The following NDUFAF6 variants were observed in gnomAD, a reference collection of about 807,000 sequenced individuals.
The protein encoded by NDUFAF6 is NADH dehydrogenase (ubiquinone) complex I, assembly factor 6.
Under a neutral mutation model 40.8 loss-of-function variants are expected in NDUFAF6, and 45 were observed. The observed-to-expected ratio is 1.10, with a 90% CI of 0.87 to 1.42. The LOEUF (loss-of-function observed/expected upper bound fraction) is 1.42. Ranked by LOEUF, NDUFAF6 falls within the 40% of genes most tolerant of loss-of-function variation. NDUFAF6 has a pLI of 0.00. For synonymous variants in NDUFAF6, 185 were observed against 155.9 expected (o/e 1.19, Z -1.39); for missense variants, 435 against 418.5 (o/e 1.04, Z -0.34).
At chr8:95,002,648 T>G (rs528243544) in intron 2 of NDUFAF6, among the ~76,000 whole-genome samples, 2 of 152,322 alleles carry the variant, frequency 1.3e-5, no homozygotes, top group African/African-American at 4.8e-5. Context: ...AGATGACTGT[T>G]AAGATTTCAA....
chr8:94,932,241 T>A, intron 1 of NDUFAF6: 1 of 864,650 alleles, frequency 1.2e-6, no homozygotes, highest in Non-Finnish European at 1.8e-6. Flanking sequence ...TACATGTGCT[T>A]AAGATAACAT....
downstream of NDUFAF6, among the ~76,000 whole-genome samples, chr8:95,106,733 T>A (rs1809852905): frequency 6.6e-6 from 1 of 152,068 alleles, no homozygotes; most frequent in Non-Finnish European, 1.5e-5. Context: ...AATCTATCCA[T>A]CTGACAAAGG....
rs538294621 is a variant in NDUFAF6, at chr8:94,917,558, G to A, written c.-936+21631G>A. ...GGTGGTTGAATTACCAATGTGTATT[G>A]GCAATGGCATCCCCCAAAATTGGTT... is the stretch of plus-strand genomic sequence containing the variant. On this transcript the variant is annotated intron_variant, in intron 1 of 14. Coordinates refer to the NDUFAF6 transcript ENST00000396113. Among the ~76,000 whole-genome samples, 7 of 152,154 alleles carry A rather than the reference G, an allele frequency of 4.6e-5. No homozygotes were observed. In the East Asian group the frequency reaches 1.4e-3, roughly 29 times the overall value.
rs74691495 is a variant in NDUFAF6, at chr8:94,920,847, G to T, written c.-935-24636G>T. On this transcript the variant is annotated intron_variant, in intron 1 of 14. Coordinates refer to the NDUFAF6 transcript ENST00000396113. ...ATTCAGCTGCAGCTGAGCCTCCGAA[G>T]AAATGAAAGCCTTTAATTCCCATCC... Among the ~76,000 whole-genome samples the T allele has an allele frequency of 8.5e-3, 1,292 of 152,330 alleles. 10 individuals carry two copies. Among genetic ancestry groups the T allele is most frequent in the Middle Eastern group, 0.02 (6 of 294 alleles).
chr8:95,076,732 G>A (rs1241807428), downstream of NDUFAF6, among the ~76,000 whole-genome samples: 1 of 152,168 alleles, frequency 6.6e-6, no homozygotes, highest in Non-Finnish European at 1.5e-5. Flanking sequence ...AATTAGCCAT[G>A]TGTGATGGCC....
intron 1 of NDUFAF6, among the ~76,000 whole-genome samples, chr8:94,901,279 A>G (rs930462628): frequency 6.6e-6 from 1 of 152,160 alleles, no homozygotes; most frequent in Non-Finnish European, 1.5e-5. Context: ...GCTGGCTGCT[A>G]TGTGAAGCGT....
At chr8:95,047,612 C>T (rs1175552059) in intron 6 of NDUFAF6, among the ~76,000 whole-genome samples, 7 of 149,678 alleles carry the variant, frequency 4.7e-5, no homozygotes, top group Admixed American at 3.4e-4. Context: ...TGGGTTAAAG[C>T]GATTCTTCTG....
At chr8:94,927,137 A>G (rs919927722) in intron 1 of NDUFAF6, 1 of 152,678 alleles carries the variant, frequency 6.5e-6, no homozygotes, top group Non-Finnish European at 1.5e-5. Context: ...TTTTCCCACT[A>G]ATCTATTTAA....
chr8:95,076,716 A>C (rs1808634016), downstream of NDUFAF6, among the ~76,000 whole-genome samples: 1 of 152,140 alleles, frequency 6.6e-6, no homozygotes. Flanking sequence ...TCTACTAAAA[A>C]TACAAAATTA....
chr8:94,913,992 A>G (rs1004957895), intron 1 of NDUFAF6, among the ~76,000 whole-genome samples: 7 of 151,896 alleles, frequency 4.6e-5, no homozygotes, highest in South Asian at 2.1e-4. Context: ...GGGTTTTGCA[A>G]TATTGGCCAG....
intron 1 of NDUFAF6, among the ~76,000 whole-genome samples, chr8:94,911,478 G>A (rs957723261): frequency 6.6e-6 from 1 of 152,226 alleles, no homozygotes; most frequent in Admixed American, 6.5e-5. Context: ...AGAATGCGTT[G>A]GCTCCGCTTC....
chr8:95,105,944 A>T (rs1363302111), downstream of NDUFAF6, among the ~76,000 whole-genome samples: 1 of 152,070 alleles, frequency 6.6e-6, no homozygotes, highest in Non-Finnish European at 1.5e-5. Context: ...CCTAGGGGCA[A>T]CCATCTTAAT....
At chr8:95,013,363 C>G (rs1357634833) in intron 2 of NDUFAF6, among the ~76,000 whole-genome samples, 2 of 152,210 alleles carry the variant, frequency 1.3e-5, no homozygotes, top group African/African-American at 4.8e-5. Context: ...ACCATGGCCT[C>G]CCAAAGTTCT....
At chr8:95,049,581 T>A (rs1831201114) in intron 7 of NDUFAF6, among the ~76,000 whole-genome samples, 1 of 152,180 alleles carries the variant, frequency 6.6e-6, no homozygotes, top group Non-Finnish European at 1.5e-5. Flanking sequence ...TTCTTTTTTT[T>A]AGCCTTCAGT....
chr8:94,930,750 A>T, intron 1 of NDUFAF6: 1 of 1,611,578 alleles, frequency 6.2e-7, no homozygotes, highest in Non-Finnish European at 8.5e-7. Flanking sequence ...AAAAGTGGGG[A>T]TGTATTAAAT....
intron 1 of NDUFAF6, among the ~76,000 whole-genome samples, chr8:94,935,070 A>G (rs1820819514): frequency 6.6e-6 from 1 of 152,138 alleles, no homozygotes; most frequent in Non-Finnish European, 1.5e-5. Flanking sequence ...GGGTTTGTTT[A>G]TATCTGGAAA....
chr8:95,010,538 T>C (rs888018761), intron 2 of NDUFAF6, among the ~76,000 whole-genome samples: 2 of 152,172 alleles, frequency 1.3e-5, no homozygotes, highest in African/African-American at 4.8e-5. Flanking sequence ...TTTATAGGGT[T>C]TCCCCCCTTT....
intron 9 of NDUFAF6, among the ~76,000 whole-genome samples, chr8:95,070,700 T>C (rs752847705): frequency 1.4e-4 from 21 of 152,214 alleles, no homozygotes; most frequent in Non-Finnish European, 2.5e-4. Flanking sequence ...TGGCAGATAA[T>C]ATATACTAAA....
chr8:95,040,474 T>C (rs1830030355), intron 3 of NDUFAF6, among the ~76,000 whole-genome samples: 1 of 152,236 alleles, frequency 6.6e-6, no homozygotes, highest in Admixed American at 6.5e-5. Flanking sequence ...TCCCTAAACT[T>C]AGTAGCCATT....
Sources: gnomAD v4.1 joint callset for allele counts (sites outside exome capture counted in the v4.1 genomes callset) on GRCh38, gnomAD v4.1.1 for gene constraint, MANE v1.5 for transcripts, NCBI Gene and HGNC (gene_info 2026-07-23, HGNC 2026-07-21) for gene names.